BCAS3: variants seen among roughly 807,000 people sequenced by gnomAD.
BCAS3 encodes BCAS4/BCAS3 fusion.
In BCAS3, 53 loss-of-function variants were observed where a neutral mutation model predicts 116.1. That is an observed-to-expected ratio of 0.46 (90% CI 0.37 to 0.57). BCAS3 has a LOEUF of 0.57. BCAS3 is among the 20% of genes least tolerant of loss of function. The probability of loss-of-function intolerance (pLI) is 0.00; values close to 1 mark genes in which losing one functional copy is unlikely to be tolerated. For missense variants in BCAS3, 917 were observed against 1,165.4 expected (o/e 0.79, Z 3.10); for synonymous variants, 391 against 408.2 (o/e 0.96, Z 0.51).
intron 22 of BCAS3, among the ~76,000 whole-genome samples, chr17:61,260,941 T>C (rs1336370603): frequency 6.6e-6 from 1 of 152,216 alleles, no homozygotes; most frequent in African/African-American, 2.4e-5. Flanking sequence ...GCAACAACTC[T>C]AGATGAGGAT....
chr17:60,831,514 T>C (rs1396460387), intron 7 of BCAS3, among the ~76,000 whole-genome samples: 2 of 152,226 alleles, frequency 1.3e-5, no homozygotes, highest in Admixed American at 6.6e-5. Flanking sequence ...TTTTATCCTT[T>C]GTTAGAAAAC....
intron 21 of BCAS3, among the ~76,000 whole-genome samples, chr17:61,081,779 C>CTCGT (rs2143517225): frequency 6.6e-6 from 1 of 152,286 alleles, no homozygotes; most frequent in Non-Finnish European, 1.5e-5. Flanking sequence ...TCTCCTCATT[C>CTCGT]TCGTTTATGA....
Position 61,151,946 on chromosome 17 carries a change from C to T in BCAS3, c.2425+67382C>T, listed in dbSNP as rs1034455590. ...CCAGCTCCACATAGTGACACAGTAC[C>T]GGAAGGGCAAGGATTCTCTGTGTGC... is the stretch of plus-strand genomic sequence containing the variant. On this transcript the variant is annotated intron_variant, in intron 22 of 23. Transcript: ENST00000407086. This position sits in a 1 kb window ranked among gnomAD's most constrained non-coding sequence, Gnocchi z 4.8. 3.3e-5 allele frequency among the ~76,000 whole-genome samples: 5 copies of T among 152,100 alleles called. No homozygotes were observed. Among genetic ancestry groups the T allele is most frequent in the African/African-American group, 1.2e-4 (5 of 41,422 alleles).
intron 22 of BCAS3, among the ~76,000 whole-genome samples, chr17:61,183,896 AT>A (rs2079618402): frequency 6.6e-6 from 1 of 152,242 alleles, no homozygotes; most frequent in Non-Finnish European, 1.5e-5. Context: ...TGGTTTGAAC[AT>A]TTCAAAAGGC....
At chr17:61,197,226 T>G (rs776860775) in intron 22 of BCAS3, among the ~76,000 whole-genome samples, 1 of 152,192 alleles carries the variant, frequency 6.6e-6, no homozygotes, top group Non-Finnish European at 1.5e-5. Flanking sequence ...ACCACAGTGA[T>G]GAAGAAAAAA....
At position 61,204,896 on chromosome 17, in the gene BCAS3, A is replaced by G. The variant is rs773707526; in HGVS notation, c.2425+120332A>G. On this transcript the variant is annotated intron_variant, in intron 22 of 23. Coordinates refer to ENST00000407086, the MANE Select transcript of BCAS3 (RefSeq NM_017679.5). The surrounding 1 kb of genome is among the most constrained non-coding windows in gnomAD (Gnocchi z 4.2). ...GCAAAACACCTTCTCAACAAAAAAT[A>G]TAGAAATTAGCCTGGCGTGGCGGCA... 6.6e-6 allele frequency among the ~76,000 whole-genome samples: 1 copy of G among 152,140 alleles called. No individual in the cohort carries two copies. Among genetic ancestry groups the G allele is most frequent in the Admixed American group, 6.6e-5 (1 of 15,262 alleles).
intron 11 of BCAS3, among the ~76,000 whole-genome samples, chr17:60,908,951 A>G (rs955752169): frequency 6.6e-6 from 1 of 152,216 alleles, no homozygotes; most frequent in Non-Finnish European, 1.5e-5. Context: ...ACAAGGCAGT[A>G]CAGGATAGTG....
At position 61,200,826 on chromosome 17, in the gene BCAS3, C is replaced by T. The variant is rs1412429436; in HGVS notation, c.2425+116262C>T. Reference sequence around the variant, plus strand: ...ATTCCAAATAGAATTGGAAAATGTACTTTTTTGATGGGCTACCTTTCCTCT... The same window carrying T: ...ATTCCAAATAGAATTGGAAAATGTATTTTTTTGATGGGCTACCTTTCCTCT... On this transcript the variant is annotated intron_variant, in intron 22 of 23. Coordinates refer to ENST00000407086, the MANE Select transcript of BCAS3 (RefSeq NM_017679.5). This position sits in a 1 kb window ranked among gnomAD's most constrained non-coding sequence, Gnocchi z 5.1. Among the ~76,000 whole-genome samples, 1 of 152,092 alleles carries T rather than the reference C, an allele frequency of 6.6e-6. No individual in the cohort carries two copies. The highest frequency in any genetic ancestry group is 6.6e-5 in the Admixed American group (1 of 15,260).
intron 19 of BCAS3, among the ~76,000 whole-genome samples, chr17:61,059,063 C>CTTTTCTTTTTTTTTTTTTT (rs2069697657): frequency 3.1e-5 from 1 of 32,780 alleles, no homozygotes; most frequent in Non-Finnish European, 6.3e-5. Flanking sequence ...TTCTCCCCAT[C>CTTTTCTTTTTTTTTTTTTT]TTTTTTTTTT....
At chr17:60,886,799 G>A (rs989378819) in intron 9 of BCAS3, among the ~76,000 whole-genome samples, 4 of 152,100 alleles carry the variant, frequency 2.6e-5, no homozygotes, top group East Asian at 1.9e-4. Flanking sequence ...GCAGTCTGCC[G>A]GTTCTCAGAT....
intron 22 of BCAS3, among the ~76,000 whole-genome samples, chr17:61,195,685 G>A (rs554094431): frequency 5.7e-4 from 86 of 151,306 alleles, no homozygotes; most frequent in Middle Eastern, 3.4e-3. Flanking sequence ...GGCCCCCCTC[G>A]TTTTTTAAAG....
Position 61,276,978 on chromosome 17 carries a change from G to A in BCAS3, c.2426-91349G>A, listed in dbSNP as rs1000519337. On this transcript the variant is annotated intron_variant, in intron 22 of 23. Coordinates refer to ENST00000407086, the MANE Select transcript of BCAS3 (RefSeq NM_017679.5). This position sits in a 1 kb window ranked among gnomAD's most constrained non-coding sequence, Gnocchi z 4.2. ...GAAAGAATAGTAGTTTCAACAAGTG[G>A]TAGGCTGGGCATGGTGGCTCATGCC... 2.6e-5 allele frequency among the ~76,000 whole-genome samples: 4 copies of A among 152,042 alleles called. No individual in the cohort carries two copies. The highest frequency in any genetic ancestry group is 7.2e-5 in the African/African-American group (3 of 41,422).
In BCAS3 at chr17:61,124,215, T is replaced by A. The variant is rs1356789600; in HGVS notation, c.2425+39651T>A. 2.0e-5 allele frequency among the ~76,000 whole-genome samples: 3 copies of A among 152,078 alleles called. No individual in the cohort carries two copies. The highest frequency in any genetic ancestry group is 2.9e-5 in the Non-Finnish European group (2 of 67,996). On this transcript the variant is annotated intron_variant, in intron 22 of 23. Coordinates refer to ENST00000407086, the MANE Select transcript of BCAS3 (RefSeq NM_017679.5). The surrounding 1 kb of genome is among the most constrained non-coding windows in gnomAD (Gnocchi z 4.6). ...CTATTGGCTTCTTTAGCTGGAAAAATTATTTCTACAGGACAATAAAACCTG... is the reference window on the plus strand; with the variant it reads ...CTATTGGCTTCTTTAGCTGGAAAAAATATTTCTACAGGACAATAAAACCTG...
rs1490005835 is a variant in BCAS3, at chr17:61,004,593, G to A, written c.1487-11158G>A. Among the ~76,000 whole-genome samples the A allele has an allele frequency of 6.6e-6, 1 of 152,120 alleles. No homozygotes were observed. The highest frequency in any genetic ancestry group is 1.5e-5 in the Non-Finnish European group (1 of 68,002). ...AACTACAAAAGGACAACAAGACAGG[G>A]ATCAGGGCTATACCAGGATTATGCA... On this transcript the variant is annotated intron_variant, in intron 15 of 23. Coordinates refer to ENST00000407086, the MANE Select transcript of BCAS3 (RefSeq NM_017679.5). This position sits in a 1 kb window ranked among gnomAD's most constrained non-coding sequence, Gnocchi z 4.8.
At chr17:61,165,548 T>C (rs946163693) in intron 22 of BCAS3, among the ~76,000 whole-genome samples, 2 of 151,978 alleles carry the variant, frequency 1.3e-5, no homozygotes, top group Admixed American at 6.6e-5. Context: ...TAGCCAGGCA[T>C]GGTGTCACAT....
At chr17:60,720,219 C>T in intron 5 of BCAS3, 1 of 152,168 alleles carries the variant, frequency 6.6e-6, no homozygotes, top group East Asian at 1.9e-4. Flanking sequence ...GCTTCGCTTC[C>T]TGGGCTCAAG....
chr17:61,367,446 G>C lies in BCAS3; in HGVS notation c.2426-881G>C, dbSNP rs2058802544. Reference sequence around the variant, plus strand: ...ATGTAAGATCTAATCTTAGCGTTCAGCAGAACACCACAGACGTTTTGGAAT... The same window carrying C: ...ATGTAAGATCTAATCTTAGCGTTCACCAGAACACCACAGACGTTTTGGAAT... On this transcript the variant is annotated intron_variant, in intron 22 of 23. Transcript: ENST00000407086. The surrounding 1 kb of genome is among the most constrained non-coding windows in gnomAD (Gnocchi z 6.2). 6.6e-6 allele frequency: 1 copy of C among 152,306 alleles called. No individual in the cohort carries two copies. The highest frequency in any genetic ancestry group is 1.5e-5 in the Non-Finnish European group (1 of 68,042). 9.4% of individuals were successfully genotyped at this position (152,306 alleles called of 1,614,324 possible). A position where few individuals can be genotyped will look rare whatever the true frequency, so the allele number is the denominator to read the frequency against.
chr17:61,338,888 G>GAAAAAAAAAAAAAAAAAAAAAAAA, intron 22 of BCAS3, among the ~76,000 whole-genome samples: 1 of 67,278 alleles, frequency 1.5e-5, no homozygotes, highest in Non-Finnish European at 3.2e-5. Flanking sequence ...CCCTTACTGG[G>GAAAAAAAAAAAAAAAAAAAAAAAA]AAAAAAAAAA....
intron 14 of BCAS3, among the ~76,000 whole-genome samples, chr17:60,980,190 T>C (rs1350847249): frequency 6.6e-6 from 1 of 152,198 alleles, no homozygotes; most frequent in African/African-American, 2.4e-5. Context: ...TATTGGTCTA[T>C]TCAGAGATTA....
Sources: allele counts gnomAD v4.1 joint callset (sites outside exome capture counted in the v4.1 genomes callset), GRCh38; gene constraint gnomAD v4.1.1; non-coding constraint Gnocchi (gnomAD v3.1); transcripts MANE v1.5; gene names NCBI Gene and HGNC (gene_info 2026-07-23, HGNC 2026-07-21).